The following ANKZF1 variants were observed in gnomAD, a reference collection of about 807,000 sequenced individuals.
The protein encoded by ANKZF1 is tRNA endonuclease ANKZF1.
ANKZF1 carries 84 observed loss-of-function variants against 86.0 expected under a neutral mutation model. That is an observed-to-expected ratio of 0.98 (90% confidence interval 0.82 to 1.17). The LOEUF is 1.17. Ranked by LOEUF, ANKZF1 falls within the 50% of genes most tolerant of loss-of-function variation. The probability of loss-of-function intolerance (pLI) is 0.00; values close to 1 mark genes in which losing one functional copy is unlikely to be tolerated. For missense variants in ANKZF1, 893 were observed against 918.4 expected, an observed-to-expected ratio of 0.97 and a Z score of 0.36; for synonymous variants, 331 against 354.2, an observed-to-expected ratio of 0.93 and a Z score of 0.74.
chr2:219,235,110 G>A lies in ANKZF1; in HGVS notation c.1489G>A (p.Ala497Thr). ...KAPGQPELWN[A>T]LLAACRAGDV... Reference sequence around the variant, plus strand: ...CCCTGGTCAGCCAGAGCTCTGGAATGCACTGCTTGCTGCTTGCCGAGCTGG... The same window carrying A: ...CCCTGGTCAGCCAGAGCTCTGGAATACACTGCTTGCTGCTTGCCGAGCTGG... The change falls in exon 10 of 14, where the codon GCA becomes ACA. Residue 497 changes from alanine to threonine, a missense_variant. Physicochemically the swap from Ala to Thr is moderately conservative, Grantham distance 58. Transcript: ENST00000323348. 1.9e-6 allele frequency: 3 copies of A among 1,614,210 alleles called. No homozygotes were observed. Among genetic ancestry groups the A allele is most frequent in the Admixed American group, 1.7e-5 (1 of 60,028 alleles).
chr2:219,234,929 G>GAGGAGGAGAAAAAGGAATA lies in ANKZF1; in HGVS notation c.1311_1329dup (p.Lys444GlufsTer6). ...GTGAGTCTGAAGTATTGCCCAAGCG[G>GAGGAGGAGAAAAAGGAATA]AGGAGGAGAAAAAGGAATAAGAAGG... On this transcript the variant is annotated frameshift_variant, in exon 10 of 14. Coordinates refer to ENST00000323348, the MANE Select transcript of ANKZF1 (RefSeq NM_018089.3). LOFTEE classifies it high-confidence loss of function. The GAGGAGGAGAAAAAGGAATA allele has an allele frequency of 6.2e-7, 1 of 1,614,132 alleles. No individual in the cohort carries two copies. The highest frequency in any genetic ancestry group is 8.5e-7 in the Non-Finnish European group (1 of 1,180,012).
In ANKZF1 at chr2:219,235,590, T is replaced by C. The variant is rs1951190000; in HGVS notation, c.1803+5T>C. ...TACGATTACAACAAGGCTCAGGTCATCTGGAATAGGAAGGACAAGCAGAGT... is the reference window on the plus strand; with the variant it reads ...TACGATTACAACAAGGCTCAGGTCACCTGGAATAGGAAGGACAAGCAGAGT... On this transcript the variant is annotated splice_donor_5th_base_variant and intron_variant, in intron 11 of 13. Transcript: ENST00000323348. The C allele has an allele frequency of 6.2e-7, 1 of 1,613,768 alleles. No individual in the cohort carries two copies. The highest frequency in any genetic ancestry group is 1.3e-5 in the African/African-American group (1 of 74,848).
At chr2:219,231,684 G>A in intron 2 of ANKZF1, 1 of 410,668 alleles carries the variant, frequency 2.4e-6, no homozygotes, top group Non-Finnish European at 4.5e-6. Context: ...GTGAGCCGCT[G>A]CACCTGGCCA....
chr2:219,236,618 T>C lies in ANKZF1; in HGVS notation c.*173T>C, dbSNP rs1951246805. The stretch of plus-strand genomic sequence containing the variant: ...AGGTATGTGGAGCTGGTACTGTCTC[T>C]GGAATTTTAATCACAATAAAGTTTG... On this transcript the variant is annotated 3_prime_UTR_variant, in exon 14 of 14. Transcript: ENST00000323348. 3 of 850,290 alleles carry C rather than the reference T, an allele frequency of 3.5e-6. No homozygotes were observed. The highest frequency in any genetic ancestry group is 5.2e-6 in the Non-Finnish European group (3 of 576,080). The allele number at this position is 850,290 out of a possible 1,614,324, so 52.7% of individuals were successfully genotyped here.
intron 5 of ANKZF1, 152 bp from the exon 6 acceptor site, chr2:219,232,927 C>G: frequency 1.2e-6 from 1 of 868,150 alleles, no homozygotes; most frequent in Non-Finnish European, 1.8e-6. Flanking sequence ...ATCTTGACTG[C>G]CTCGCCAAGC....
chr2:219,231,866 T>C lies in ANKZF1; in HGVS notation c.149-62T>C, dbSNP rs748094138. 6.7e-5 allele frequency: 91 copies of C among 1,352,954 alleles called. No individual in the cohort carries two copies. In the African/African-American group the frequency reaches 1.2e-3, roughly 18 times the overall value. The allele number at this position is 1,352,954 out of a possible 1,614,324, so 83.8% of individuals were successfully genotyped here. A position where few individuals can be genotyped will look rare whatever the true frequency, so the allele number is the denominator to read the frequency against. ...TGCTTTGTATATCACACTCTGAATA[T>C]AATTCTTGTCACTGTGGATTTGGGC... On this transcript the variant is annotated intron_variant, in intron 2 of 13. Transcript: ENST00000323348.
Position 219,231,939 on chromosome 2 carries a change from A to G in ANKZF1, c.160A>G (p.Arg54Gly). 1 of 1,613,546 alleles carries G rather than the reference A, an allele frequency of 6.2e-7. No individual in the cohort carries two copies. The highest frequency in any genetic ancestry group is 8.5e-7 in the Non-Finnish European group (1 of 1,179,872). The change falls in exon 3 of 14, where the codon AGA becomes GGA. Residue 54 changes from arginine (R) to glycine (G), a missense_variant. Arg to Gly is a moderately radical substitution (Grantham distance 125). Coordinates refer to ENST00000323348, the MANE Select transcript of ANKZF1 (RefSeq NM_018089.3). The stretch of plus-strand genomic sequence containing the variant: ...CTTCCCTTATTTAGGCTCAGGGGAG[A>G]GAGAAAGCCCAGAAAGAAAGCTACT... ...PRTSCSGSGE[R>G]ESPERKLLQG...
Position 219,230,414 on chromosome 2 carries a change from G to A in ANKZF1, c.148+9G>A, listed in dbSNP as rs550566335. ...GCGTACTTCCTGTTCAGGTATCCTG[G>A]AAGGTTTCGTGTGAAACGTGACAGG... On this transcript the variant is annotated intron_variant, in intron 2 of 13. Transcript: ENST00000323348. The A allele has an allele frequency of 4.8e-5, 77 of 1,598,172 alleles. No individual in the cohort carries two copies. The African/African-American group carries it at 9.1e-4, about 19-fold the overall frequency.
At chr2:219,234,053 C>A in intron 8 of ANKZF1, 80 bp from the exon 9 acceptor site, 3 of 1,552,940 alleles carry the variant, frequency 1.9e-6, no homozygotes, top group Admixed American at 4.1e-5. Flanking sequence ...GGACTGCAGC[C>A]CAGCTACATC....
Position 219,233,803 on chromosome 2 carries a change from G to T in ANKZF1, c.908G>T (p.Arg303Leu). Reference sequence around the variant, plus strand: ...CTGTTGCGTGCTCCCCGCTCTGGCCGGTCTTTGTTCTTTGGAGGCAAGGGA... The same window carrying T: ...CTGTTGCGTGCTCCCCGCTCTGGCCTGTCTTTGTTCTTTGGAGGCAAGGGA... ...TILLRAPRSG[R>L]SLFFGGKGAP... Residue 303 changes from arginine (R) to leucine (L), a missense_variant, in exon 8 of 14, where the codon CGG (arginine) becomes CTG (leucine). Coordinates refer to ENST00000323348, the MANE Select transcript of ANKZF1 (RefSeq NM_018089.3). The T allele has an allele frequency of 6.2e-7, 1 of 1,614,112 alleles. No homozygotes were observed.
At chr2:219,231,055 A>T (rs1459230220) in intron 2 of ANKZF1, 2 of 152,258 alleles carry the variant, frequency 1.3e-5, no homozygotes, top group Non-Finnish European at 2.9e-5. Context: ...GTGTAACTTT[A>T]GTTTGGCTAC....
At position 219,236,437 on chromosome 2, in the gene ANKZF1, T is replaced by C. The variant is rs753154028; in HGVS notation, c.2173T>C (p.Ser725Pro). The C allele has an allele frequency of 2.5e-6, 4 of 1,601,866 alleles. No homozygotes were observed. The highest frequency in any genetic ancestry group is 3.4e-6 in the Non-Finnish European group (4 of 1,173,174). The change falls in exon 14 of 14, where the codon TCT (serine) becomes CCT (proline). Residue 725 changes from serine to proline, a missense_variant. Transcript: ENST00000323348. ...TCATCGCCGTCAGGCAGGGAGGCCC[T>C]CTTCCTGATCTCTTACAGCTCTACC... ...QDHRRQAGRP[S>P]S is the part of the protein sequence containing the mutation.
In ANKZF1 at chr2:219,235,513, C is replaced by G. The variant is rs1038441244; in HGVS notation, c.1731C>G (p.Asp577Glu). ...RARPPYTVAA[D>E]KSTRNEFRRF... ...GGCCACCTTATACTGTTGCGGCTGA[C>G]AAATCAACACGTAATGAGTTCCGAA... The change falls in exon 11 of 14, where the codon GAC becomes GAG. Residue 577 changes from aspartate to glutamate, a missense_variant. Physicochemically the swap from Asp to Glu is conservative, Grantham distance 45 (BLOSUM62 2). Transcript: ENST00000323348. The G allele has an allele frequency of 1.9e-6, 3 of 1,613,824 alleles. No individual in the cohort carries two copies. The African/African-American group carries it at 4.0e-5, about 22-fold the overall frequency.
In ANKZF1 at chr2:219,236,009, G is replaced by A; in HGVS notation, c.1972-1G>A. Reference sequence around the variant, plus strand: ...TCCTTAACACAACTTGTCTCCCTCAGAGAGCTCTGGCTGCAGAGCGCCGAC... The same window carrying A: ...TCCTTAACACAACTTGTCTCCCTCAAAGAGCTCTGGCTGCAGAGCGCCGAC... On this transcript the variant is annotated splice_acceptor_variant, in intron 12 of 13. Coordinates refer to ENST00000323348, the MANE Select transcript of ANKZF1 (RefSeq NM_018089.3). LOFTEE classifies it high-confidence loss of function. 1 of 1,614,190 alleles carries A rather than the reference G, an allele frequency of 6.2e-7. No homozygotes were observed.
Position 219,235,688 on chromosome 2 carries a change from T to C in ANKZF1, c.1804-20T>C. ...TTTACCAAAGATAACTTATAGGGTCTTATATTTGAAATCCTCCAGGTGCCA... is the reference window on the plus strand; with the variant it reads ...TTTACCAAAGATAACTTATAGGGTCCTATATTTGAAATCCTCCAGGTGCCA... On this transcript the variant is annotated intron_variant, in intron 11 of 13. Coordinates refer to ENST00000323348, the MANE Select transcript of ANKZF1 (RefSeq NM_018089.3). The C allele has an allele frequency of 6.2e-7, 1 of 1,613,642 alleles. No homozygotes were observed. The highest frequency in any genetic ancestry group is 1.3e-5 in the African/African-American group (1 of 75,026).
chr2:219,233,592 C>G, intron 7 of ANKZF1, 123 bp from the exon 8 acceptor site: 1 of 1,401,490 alleles, frequency 7.1e-7, no homozygotes, highest in Non-Finnish European at 9.7e-7. Context: ...CCTTAGTCCT[C>G]TATTCTTTCT....
Position 219,230,263 on chromosome 2 carries a change from G to GCCGGCTCCAGATGCAGCC in ANKZF1, c.15_32dup (p.Asp6_Pro11dup). On this transcript the variant is annotated inframe_insertion, in exon 2 of 14. Coordinates refer to ENST00000323348, the MANE Select transcript of ANKZF1 (RefSeq NM_018089.3). ...TAAATAATTTCTGCTCAGCCATGTCGCCGGCTCCAGATGCAGCCCCGGCTC... is the reference window on the plus strand; with the variant it reads ...TAAATAATTTCTGCTCAGCCATGTCGCCGGCTCCAGATGCAGCCCCGGCTCCAGATGCAGCCCCGGCTC... 6.2e-7 allele frequency: 1 copy of GCCGGCTCCAGATGCAGCC among 1,612,698 alleles called. No individual in the cohort carries two copies. The highest frequency in any genetic ancestry group is 8.5e-7 in the Non-Finnish European group (1 of 1,179,112).
At position 219,230,360 on chromosome 2, in the gene ANKZF1, G is replaced by A. The variant is rs768539916; in HGVS notation, c.103G>A (p.Ala35Thr). Reference sequence around the variant, plus strand: ...TCAGGGCCTGAGCCTGGTGAGCCACGCGCCTGGGGAGGCTCTGGCCCGGGC... The same window carrying A: ...TCAGGGCCTGAGCCTGGTGAGCCACACGCCTGGGGAGGCTCTGGCCCGGGC... ...VFQGLSLVSHAPGEALARAPR... is the reference protein window; with the variant it reads ...VFQGLSLVSHTPGEALARAPR... The change falls in exon 2 of 14, where the codon GCG (alanine) becomes ACG (threonine). Residue 35 changes from alanine (A) to threonine (T), a missense_variant. Transcript: ENST00000323348. 6.2e-7 allele frequency: 1 copy of A among 1,613,786 alleles called. No individual in the cohort carries two copies.
chr2:219,235,161 C>T lies in ANKZF1; in HGVS notation c.1540C>T (p.Leu514=), dbSNP rs762944656. ...AGDVGVLKLQ[L]APSPADPRVL... ...AGATGTTGGAGTGCTAAAGCTGCAG[C>T]TAGCTCCCAGCCCTGCAGACCCTAG... Residue 514 remains leucine, a synonymous_variant, in exon 10 of 14, where the codon CTA becomes TTA. Transcript: ENST00000323348. 4 of 1,614,210 alleles carry T rather than the reference C, an allele frequency of 2.5e-6. No homozygotes were observed. Among genetic ancestry groups the T allele is most frequent in the East Asian group, 4.5e-5 (2 of 44,872 alleles).
Sources: gnomAD v4.1 joint callset for allele counts on GRCh38, gnomAD v4.1.1 for gene constraint, MANE v1.5 for transcripts, NCBI Gene and HGNC (gene_info 2026-07-23, HGNC 2026-07-21) for gene names.